EFCAB6: variants seen among roughly 807,000 people sequenced by gnomAD.
The protein encoded by EFCAB6 is EF-hand calcium binding domain 6, also known as EF-hand calcium-binding domain-containing protein 6.
A neutral mutation model predicts 169.8 loss-of-function variants in EFCAB6; 156 were observed. That is an observed-to-expected ratio of 0.92 (90% CI 0.81 to 1.05). EFCAB6 has a LOEUF of 1.05. Ranked by LOEUF, EFCAB6 falls within the 50% of genes least tolerant of loss-of-function variation. EFCAB6 has a pLI of 0.00. For missense variants in EFCAB6, 1,800 were observed against 1,829.1 expected (o/e 0.98, Z 0.29); for synonymous variants, 698 against 676.4 (o/e 1.03, Z -0.50).
chr22:43,708,815 C>A (rs1014256642), intron 10 of EFCAB6, among the ~76,000 whole-genome samples: 1 of 151,980 alleles, frequency 6.6e-6, no homozygotes, highest in Admixed American at 6.6e-5. Context: ...ATATGTGTAC[C>A]AGGAGAATTG....
Position 43,723,796 on chromosome 22 carries a change from G to C in EFCAB6, c.758-6824C>G, listed in dbSNP as rs374818978. ...GCTTTACAGCTTGTACTTTTCAGAGGGGCACCTAAGCCACAGCTGGGACCA... is the reference window on the plus strand; with the variant it reads ...GCTTTACAGCTTGTACTTTTCAGAGCGGCACCTAAGCCACAGCTGGGACCA... On this transcript the variant is annotated intron_variant, in intron 8 of 31. Transcript: ENST00000262726. 5.3e-4 allele frequency among the ~76,000 whole-genome samples: 81 copies of C among 152,322 alleles called. 1 individual carries two copies. The South Asian group carries it at 0.016, about 31-fold the overall frequency.
intron 24 of EFCAB6, among the ~76,000 whole-genome samples, chr22:43,587,954 GA>G (rs1340676153): frequency 6.6e-6 from 1 of 152,164 alleles, no homozygotes; most frequent in Non-Finnish European, 1.5e-5. Flanking sequence ...AGTTGAATTA[GA>G]ATTTCAGATA....
At chr22:43,793,480 C>A (rs1448639699) in intron 2 of EFCAB6, among the ~76,000 whole-genome samples, 1 of 152,218 alleles carries the variant, frequency 6.6e-6, no homozygotes, top group African/African-American at 2.4e-5. Flanking sequence ...TCAGCAAACA[C>A]TGTAGGCCAC....
intron 9 of EFCAB6, chr22:43,716,591 T>G (rs1011976936): frequency 2.5e-6 from 1 of 396,156 alleles, no homozygotes; most frequent in African/African-American, 2.1e-5. Context: ...TTGCATTATT[T>G]CTTTATATGT....
intron 1 of EFCAB6, among the ~76,000 whole-genome samples, chr22:43,811,020 G>A (rs891906065): frequency 1.3e-5 from 2 of 152,042 alleles, no homozygotes; most frequent in African/African-American, 4.8e-5. Context: ...CACCCATTTA[G>A]GAACACATAT....
chr22:43,608,571 AT>A lies in EFCAB6; in HGVS notation c.2591del (p.Asn864MetfsTer9). The A allele has an allele frequency of 6.2e-7, 1 of 1,614,218 alleles. No individual in the cohort carries two copies. The highest frequency in any genetic ancestry group is 8.5e-7 in the Non-Finnish European group (1 of 1,180,042). On this transcript the variant is annotated frameshift_variant, in exon 22 of 32. Transcript: ENST00000262726. LOFTEE classifies it high-confidence loss of function. ...KNFLETDNEGNGILRRRDIKN... is the reference protein window; with the variant it reads ...KNFLETDNEGXGILRRRDIKN... ...TTATGTCCCGGCGTCGAAGAATGCCATTGCCCTCATTATCGGTTTCTAGAAA... is the reference window on the plus strand; with the variant it reads ...TTATGTCCCGGCGTCGAAGAATGCCATGCCCTCATTATCGGTTTCTAGAAA...
In EFCAB6 at chr22:43,537,025, T is replaced by C. The variant is rs1292663999; in HGVS notation, c.4048+352A>G. The stretch of plus-strand genomic sequence containing the variant: ...TGATGGGAATGGAGCCCCAGGAGTG[T>C]CCCCTTCATCCCGCCCTCCTCCACC... On this transcript the variant is annotated intron_variant, in intron 29 of 31. Transcript: ENST00000262726. The surrounding 1 kb of genome is among the most constrained non-coding windows in gnomAD (Gnocchi z 4.3). 1.6e-5 allele frequency: 3 copies of C among 192,310 alleles called. No homozygotes were observed. The highest frequency in any genetic ancestry group is 2.3e-5 in the African/African-American group (1 of 43,018). 11.9% of individuals were successfully genotyped at this position (192,310 alleles called of 1,614,324 possible). A position where few individuals can be genotyped will look rare whatever the true frequency, so the allele number is the denominator to read the frequency against.
chr22:43,559,970 G>A lies in EFCAB6; in HGVS notation c.3421-4874C>T, dbSNP rs1323520079. On this transcript the variant is annotated intron_variant, in intron 26 of 31. Transcript: ENST00000262726. The stretch of plus-strand genomic sequence containing the variant: ...AGTGTAGGAAACCACCATGGCACAT[G>A]TATACCTATGTAACAAACCTGCATG... Among the ~76,000 whole-genome samples the A allele has an allele frequency of 2.6e-5, 4 of 152,134 alleles. No individual in the cohort carries two copies. The East Asian group carries it at 5.8e-4, about 22-fold the overall frequency.
At chr22:43,568,827 G>A (rs1272096192) in intron 26 of EFCAB6, among the ~76,000 whole-genome samples, 1 of 152,184 alleles carries the variant, frequency 6.6e-6, no homozygotes, top group Non-Finnish European at 1.5e-5. Context: ...AAACGATTAC[G>A]AGAAATTCTG....
chr22:43,642,785 G>A (rs914885092), intron 17 of EFCAB6, among the ~76,000 whole-genome samples: 3 of 152,142 alleles, frequency 2.0e-5, no homozygotes, highest in Non-Finnish European at 2.9e-5. Flanking sequence ...CAATCAAGAC[G>A]CCATGGTCAT....
intron 9 of EFCAB6, chr22:43,716,636 T>C (rs555677804): frequency 1.9e-5 from 9 of 464,070 alleles, no homozygotes; most frequent in African/African-American, 4.0e-5. Flanking sequence ...GCACAAAGGA[T>C]GTACTTAAAA....
Position 43,626,654 on chromosome 22 carries a change from GTT to G in EFCAB6, c.2256_2257del (p.Lys752AsnfsTer4), listed in dbSNP as rs1254846569. The G allele has an allele frequency of 6.2e-7, 1 of 1,614,064 alleles. No homozygotes were observed. The highest frequency in any genetic ancestry group is 8.5e-7 in the Non-Finnish European group (1 of 1,180,040). ...GATTATGCCATCCCTGTCAGCATCT[GTT>G]TTAAAGAAGGCAGAGTAGGGGTCCT... On this transcript the variant is annotated frameshift_variant, in exon 20 of 32. Coordinates refer to ENST00000262726, the MANE Select transcript of EFCAB6 (RefSeq NM_022785.4). LOFTEE classifies it high-confidence loss of function.
chr22:43,799,542 A>G (rs2062629541), intron 2 of EFCAB6, among the ~76,000 whole-genome samples: 1 of 152,208 alleles, frequency 6.6e-6, no homozygotes, highest in Non-Finnish European at 1.5e-5. Context: ...CAGTTATTCT[A>G]TAAGATATTA....
In EFCAB6 at chr22:43,667,238, T is replaced by G. The variant is rs139662618; in HGVS notation, c.1849A>C (p.Lys617Gln). The part of the protein sequence containing the change: ...KLTEDKTTLT[K>Q]KMTTEEVIEK... The stretch of plus-strand genomic sequence containing the variant: ...ATCACTTCTTCTGTGGTCATCTTCT[T>G]GGTCAGGGTGGTTTTATCCTCCGTG... The change falls in exon 17 of 32, where the codon AAG becomes CAG. Residue 617 changes from lysine to glutamine, a missense_variant. By Grantham distance (53) the Lys-to-Gln change is moderately conservative (BLOSUM62 1). Transcript: ENST00000262726. The G allele has an allele frequency of 6.2e-7, 1 of 1,614,160 alleles. No homozygotes were observed. Among genetic ancestry groups the G allele is most frequent in the Admixed American group, 1.7e-5 (1 of 60,022 alleles).
chr22:43,757,999 A>G (rs1386916036), intron 5 of EFCAB6, among the ~76,000 whole-genome samples: 1 of 152,248 alleles, frequency 6.6e-6, no homozygotes, highest in Non-Finnish European at 1.5e-5. Flanking sequence ...TTTGTTATCT[A>G]GACAGACAAT....
chr22:43,704,496 A>C (rs887698914), intron 10 of EFCAB6, among the ~76,000 whole-genome samples: 2 of 152,214 alleles, frequency 1.3e-5, no homozygotes, highest in African/African-American at 4.8e-5. Context: ...GGTGATGTGT[A>C]AAGTGATTGT....
intron 19 of EFCAB6, among the ~76,000 whole-genome samples, chr22:43,627,676 G>A (rs894112949): frequency 4.6e-5 from 7 of 152,074 alleles, no homozygotes; most frequent in African/African-American, 1.2e-4. Flanking sequence ...AACCCGCCTC[G>A]TTCCATCGGC....
chr22:43,702,206 T>C (rs1480768390), intron 10 of EFCAB6, among the ~76,000 whole-genome samples: 4 of 152,214 alleles, frequency 2.6e-5, no homozygotes, highest in African/African-American at 9.6e-5. Context: ...ACAATGTTGA[T>C]GGCAATGTGA....
intron 21 of EFCAB6, among the ~76,000 whole-genome samples, chr22:43,610,622 T>C (rs1330433855): frequency 6.6e-6 from 1 of 152,222 alleles, no homozygotes. Flanking sequence ...TCTAAGATAT[T>C]GGCAATATTC....
Sources: gnomAD v4.1 joint callset for allele counts (sites outside exome capture counted in the v4.1 genomes callset) on GRCh38, gnomAD v4.1.1 for gene constraint, Gnocchi (gnomAD v3.1) non-coding constraint, MANE v1.5 for transcripts, NCBI Gene and HGNC (gene_info 2026-07-23, HGNC 2026-07-21) for gene names.